VWF: variants seen among roughly 807,000 people sequenced by gnomAD.
The protein encoded by VWF is Factor VIII related antigen.
In VWF, 176 loss-of-function variants were observed where a neutral mutation model predicts 308.6. The ratio of observed to expected loss-of-function variants is 0.57; its 90% CI spans 0.50 to 0.65. The LOEUF is 0.65. Ranked by LOEUF, VWF falls within the 30% of genes least tolerant of loss-of-function variation. VWF has a pLI of 0.00. For synonymous variants in VWF, 1,385 were observed against 1,443.4 expected (o/e 0.96, Z 0.92); for missense variants, 3,146 against 3,648.2 (o/e 0.86, Z 3.55).
chr12:5,962,817 G>A (rs1943334920), intron 47 of VWF, among the ~76,000 whole-genome samples: 1 of 152,140 alleles, frequency 6.6e-6, no homozygotes, highest in South Asian at 2.1e-4. Context: ...CCAAAGTGCT[G>A]GGATTACAGG....
intron 24 of VWF, 60 bp from the exon 25 acceptor site, chr12:6,023,847 T>C (rs1481895527): frequency 6.3e-7 from 1 of 1,589,610 alleles, no homozygotes; most frequent in Non-Finnish European, 8.6e-7. Context: ...CTCTGGCTCT[T>C]AGTCTGGGTG....
intron 5 of VWF, among the ~76,000 whole-genome samples, chr12:6,103,321 C>T (rs1299458064): frequency 3.4e-5 from 5 of 149,024 alleles, no homozygotes; most frequent in African/African-American, 1.2e-4. Flanking sequence ...AGCGAGACTC[C>T]GTCTCAAAAA....
chr12:6,056,208 T>G (rs1460914033), intron 15 of VWF, among the ~76,000 whole-genome samples: 1 of 142,138 alleles, frequency 7.0e-6, no homozygotes, highest in East Asian at 2.0e-4. Context: ...AAGTTTGGAG[T>G]TCCACATCAT....
At chr12:5,985,513 C>A (rs748285182) in intron 39 of VWF, 50 bp downstream of exon 39, 1 of 1,580,548 alleles carries the variant, frequency 6.3e-7, no homozygotes, top group Non-Finnish European at 8.6e-7. Flanking sequence ...GGGGGCCTTG[C>A]AGGGGCCCTT....
intron 2 of VWF, among the ~76,000 whole-genome samples, chr12:6,121,874 G>A (rs1281650343): frequency 6.6e-6 from 1 of 151,822 alleles, no homozygotes; most frequent in African/African-American, 2.4e-5. Flanking sequence ...GAGGTTGCAG[G>A]GAGCCAACAT....
At chr12:6,074,734 T>G (rs1944821757) in intron 7 of VWF, among the ~76,000 whole-genome samples, 2 of 152,086 alleles carry the variant, frequency 1.3e-5, no homozygotes, top group Non-Finnish European at 2.9e-5. Flanking sequence ...AAGAGGAGAC[T>G]TCTTGCAAGG....
chr12:6,023,473 A>AATGTCTTAACCCTCCTTAGCCC (rs1414509436), intron 25 of VWF, among the ~76,000 whole-genome samples, 158 bp downstream of exon 25: 1 of 152,170 alleles, frequency 6.6e-6, no homozygotes, highest in Non-Finnish European at 1.5e-5. Context: ...TTACACAGCC[A>AATGTCTTAACCCTCCTTAGCCC]ATGTCTTAAC....
chr12:6,059,703 A>C (rs1476887531), intron 13 of VWF, among the ~76,000 whole-genome samples: 10 of 152,214 alleles, frequency 6.6e-5, no homozygotes, highest in African/African-American at 2.2e-4. Flanking sequence ...TAACACCATC[A>C]CCTTGGGGGT....
At chr12:5,951,689 G>A (rs1036553358) in intron 50 of VWF, among the ~76,000 whole-genome samples, 155 bp downstream of exon 50, 1 of 152,174 alleles carries the variant, frequency 6.6e-6, no homozygotes, top group Non-Finnish European at 1.5e-5. Context: ...TGAACATAAT[G>A]ACTGACCAGT....
intron 6 of VWF, among the ~76,000 whole-genome samples, chr12:6,079,939 A>C (rs1158054336): frequency 6.6e-6 from 1 of 152,086 alleles, no homozygotes; most frequent in East Asian, 1.9e-4. Context: ...CAAGGAATGC[A>C]ATAGAAAGCA....
intron 50 of VWF, 109 bp downstream of exon 50, chr12:5,951,735 C>T (rs1424504237): frequency 2.1e-5 from 26 of 1,240,926 alleles, no homozygotes; most frequent in Admixed American, 3.4e-5. Flanking sequence ...AAGCTTACTC[C>T]AAAGAACAGT....
At chr12:6,028,263 A>G (rs1944217499) in intron 22 of VWF, among the ~76,000 whole-genome samples, 1 of 152,226 alleles carries the variant, frequency 6.6e-6, no homozygotes, top group Non-Finnish European at 1.5e-5. Context: ...CTCTCAAAAC[A>G]TGCTGGCCCA....
chr12:6,095,667 G>A (rs1187434287), intron 5 of VWF, 83 bp from the exon 6 acceptor site: 3 of 1,597,388 alleles, frequency 1.9e-6, no homozygotes, highest in African/African-American at 2.7e-5. Context: ...GTCTGCTGGT[G>A]GTTTTGTGTG....
Position 6,110,397 on chromosome 12 carries a change from T to C in VWF, c.509A>G (p.Glu170Gly), listed in dbSNP as rs1387184481. The C allele has an allele frequency of 6.2e-7, 1 of 1,614,212 alleles. No homozygotes were observed. The highest frequency in any genetic ancestry group is 8.5e-7 in the Non-Finnish European group (1 of 1,180,020). The change falls in exon 5 of 52, where the codon GAA (glutamate) becomes GGA (glycine). Residue 170 changes from glutamate (E) to glycine (G), a missense_variant. Transcript: ENST00000261405. ...ACCTTCTTGGGTCATAAAGTCATCT[T>C]CAGCAAAGATGTTAAAGTTGCCACA... ...GLCGNFNIFAEDDFMTQEGTL... is the reference protein window; with the variant it reads ...GLCGNFNIFAGDDFMTQEGTL...
intron 48 of VWF, among the ~76,000 whole-genome samples, chr12:5,953,213 A>G (rs12831864): frequency 0.67 from 101,653 of 151,752 alleles, 36,399 homozygotes; most frequent in African/African-American, 0.91. Context: ...GCAACAGAGC[A>G]AGACTCCATC....
At chr12:6,064,663 T>C (rs1944691915) in intron 11 of VWF, among the ~76,000 whole-genome samples, 1 of 152,240 alleles carries the variant, frequency 6.6e-6, no homozygotes, top group Admixed American at 6.5e-5. Flanking sequence ...TCCTTGGACC[T>C]ACTGTTCCAA....
intron 47 of VWF, among the ~76,000 whole-genome samples, chr12:5,961,403 C>T (rs139773256): frequency 1.3e-5 from 2 of 151,898 alleles, no homozygotes; most frequent in African/African-American, 4.8e-5. Flanking sequence ...GAATTAATTC[C>T]CTCTAAGATC....
At chr12:6,025,065 C>T (rs11609815) in intron 24 of VWF, among the ~76,000 whole-genome samples, 1 of 150,648 alleles carries the variant, frequency 6.6e-6, no homozygotes, top group Non-Finnish European at 1.5e-5. Flanking sequence ...CTTAACCTTG[C>T]GGAATTCCTC....
chr12:6,104,394 A>T (rs1046904539), intron 5 of VWF, among the ~76,000 whole-genome samples: 1 of 151,976 alleles, frequency 6.6e-6, no homozygotes, highest in African/African-American at 2.4e-5. Context: ...TTAAAAAAAA[A>T]AAAAATAGGA....
Sources: gnomAD v4.1 joint callset for allele counts (sites outside exome capture counted in the v4.1 genomes callset) on GRCh38, gnomAD v4.1.1 for gene constraint, MANE v1.5 for transcripts, NCBI Gene and HGNC (gene_info 2026-07-23, HGNC 2026-07-21) for gene names.